CCDC159: variants seen among roughly 807,000 people sequenced by gnomAD.
CCDC159 encodes the protein coiled-coil domain-containing protein 159.
Under a neutral mutation model 50.9 loss-of-function variants are expected in CCDC159, and 40 were observed. The ratio of observed to expected loss-of-function variants is 0.79; its 90% CI spans 0.61 to 1.02. The LOEUF (loss-of-function observed/expected upper bound fraction) is 1.02. Ranked by LOEUF, CCDC159 falls within the 50% of genes least tolerant of loss-of-function variation. The pLI, the probability that CCDC159 is intolerant of heterozygous loss-of-function variation, is 0.00. For synonymous variants in CCDC159, 146 were observed against 138.9 expected, an observed-to-expected ratio of 1.05 and a Z score of -0.36; for missense variants, 356 against 371.5, an observed-to-expected ratio of 0.96 and a Z score of 0.34.
At chr19:11,348,361 T>C (rs964843044) in intron 1 of CCDC159, among the ~76,000 whole-genome samples, 6 of 152,186 alleles carry the variant, frequency 3.9e-5, no homozygotes, top group Admixed American at 6.5e-5. Context: ...CAATCTCGGC[T>C]CACTGCCACC....
At chr19:11,346,708 C>G in intron 1 of CCDC159, 81 bp downstream of exon 1, 1 of 1,460,388 alleles carries the variant, frequency 6.8e-7, no homozygotes, top group Non-Finnish European at 9.3e-7. Context: ...ATGACCCCGC[C>G]CCCTCCCTAA....
chr19:11,350,004 G>A lies in CCDC159; in HGVS notation c.122G>A (p.Ser41Asn). Residue 41 changes from serine (S) to asparagine (N), a missense_variant, in exon 3 of 11, where the codon AGC becomes AAC. Ser to Asn is a conservative substitution (Grantham distance 46, BLOSUM62 1). Coordinates refer to ENST00000458408, the MANE Select transcript of CCDC159 (RefSeq NM_001080503.3). ...CGATGTGAACTTGAGTCACTCAAGA[G>A]CCAGTTACAGGCCCAGACCAAGGTG... Reference protein sequence around the residue: ...LLRCELESLKSQLQAQTKAFE... With the variant: ...LLRCELESLKNQLQAQTKAFE... 2 of 1,613,806 alleles carry A rather than the reference G, an allele frequency of 1.2e-6. No individual in the cohort carries two copies. The highest frequency in any genetic ancestry group is 3.3e-5 in the Admixed American group (2 of 59,990).
intron 7 of CCDC159, 188 bp from the exon 8 acceptor site, chr19:11,353,256 ACGCCCGG>A (rs1253656815): frequency 2.0e-5 from 8 of 407,052 alleles, no homozygotes; most frequent in South Asian, 1.6e-4. Flanking sequence ...GCCCGCCACC[ACGCCCGG>A]CTAACTTTTT....
At position 11,352,249 on chromosome 19, in the gene CCDC159, T is replaced by A. The variant is rs1270061103; in HGVS notation, c.567+116T>A. The A allele has an allele frequency of 5.9e-6, 6 of 1,012,782 alleles. No homozygotes were observed. In the South Asian group the frequency reaches 8.3e-5, roughly 14 times the overall value. 62.7% of individuals were successfully genotyped at this position (1,012,782 alleles called of 1,614,324 possible). On this transcript the variant is annotated intron_variant, in intron 7 of 10. Coordinates refer to ENST00000458408, the MANE Select transcript of CCDC159 (RefSeq NM_001080503.3). ...TTCAAATCTCAGCTCTGCCACTCAC[T>A]GCTGTGTGACTGTGGGCAAGTCACT...
chr19:11,346,901 C>A (rs36106958), intron 1 of CCDC159, among the ~76,000 whole-genome samples: 1 of 152,102 alleles, frequency 6.6e-6, no homozygotes, highest in Non-Finnish European at 1.5e-5. Context: ...CACAGCTCCC[C>A]ATTACTCTAT....
At chr19:11,346,700 G>T in intron 1 of CCDC159, 73 bp downstream of exon 1, 1 of 1,488,490 alleles carries the variant, frequency 6.7e-7, no homozygotes, top group South Asian at 1.2e-5. Context: ...CCAGGATGAT[G>T]ACCCCGCCCC....
At chr19:11,349,847 C>A in intron 2 of CCDC159, 91 bp from the exon 3 acceptor site, 1 of 1,316,174 alleles carries the variant, frequency 7.6e-7, no homozygotes, top group African/African-American at 1.4e-5. Context: ...CCTGTCCCTA[C>A]TGCTACTCTG....
chr19:11,348,014 C>T (rs967388095), intron 1 of CCDC159: 1 of 415,302 alleles, frequency 2.4e-6, no homozygotes. Context: ...CTGGCTTGGC[C>T]GTCAATGCCT....
At position 11,351,992 on chromosome 19, in the gene CCDC159, C is replaced by T. The variant is rs748286538; in HGVS notation, c.490+19C>T. On this transcript the variant is annotated intron_variant, in intron 6 of 10. Coordinates refer to ENST00000458408, the MANE Select transcript of CCDC159 (RefSeq NM_001080503.3). ...AAGCTCCGTGAGTTCCTGGAGCCCA[C>T]AGCCGGTGTGTGGGGAGGGGGTCCT... 2.5e-6 allele frequency: 4 copies of T among 1,611,266 alleles called. No homozygotes were observed. The highest frequency in any genetic ancestry group is 3.4e-6 in the Non-Finnish European group (4 of 1,178,664).
intron 8 of CCDC159, 85 bp from the exon 9 acceptor site, chr19:11,353,707 C>A: frequency 1.3e-6 from 2 of 1,535,260 alleles, no homozygotes; most frequent in South Asian, 1.2e-5. Flanking sequence ...CACCCCACCA[C>A]GGCCCCCAAC....
Position 11,353,840 on chromosome 19 carries a change from C to G in CCDC159, c.738C>G (p.Cys246Trp), listed in dbSNP as rs1967725655. 1 of 1,592,938 alleles carries G rather than the reference C, an allele frequency of 6.3e-7. No homozygotes were observed. Among genetic ancestry groups the G allele is most frequent in the African/African-American group, 1.3e-5 (1 of 74,472 alleles). Residue 246 changes from cysteine (C) to tryptophan (W), a missense_variant, in exon 9 of 11, where the codon TGC becomes TGG. By Grantham distance (215) the Cys-to-Trp change is radical. Coordinates refer to ENST00000458408, the MANE Select transcript of CCDC159 (RefSeq NM_001080503.3). ...ACTCCATAGACAGCCTCACTTTGTG[C>G]TCGGGGGCCTGTCCCAAGGCCTCGA... ...LQNSIDSLTLCSGACPKASSL... is the reference protein window; with the variant it reads ...LQNSIDSLTLWSGACPKASSL...
Position 11,350,820 on chromosome 19 carries a change from C to A in CCDC159, c.239C>A (p.Pro80His). The A allele has an allele frequency of 6.5e-7, 1 of 1,548,544 alleles. No individual in the cohort carries two copies. ...ACACTCTCTGCAGAGGTGCTGAGCC[C>A]CACAGGCCGCCAGGGAGAGAAGGAG... is the stretch of plus-strand genomic sequence containing the variant. The part of the protein sequence containing the change: ...KIQQLEEVLS[P>H]TGRQGEKEEH... Residue 80 changes from proline to histidine, a missense_variant, in exon 5 of 11, where the codon CCC (proline) becomes CAC (histidine). By Grantham distance (77) the Pro-to-His change is moderately conservative (BLOSUM62 -2). Coordinates refer to ENST00000458408, the MANE Select transcript of CCDC159 (RefSeq NM_001080503.3).
At chr19:11,350,299 A>T in intron 4 of CCDC159, 100 bp downstream of exon 4, 1 of 848,650 alleles carries the variant, frequency 1.2e-6, no homozygotes, top group Admixed American at 2.3e-5. Flanking sequence ...GGATCACTTG[A>T]GGTCAGGAGT....
chr19:11,353,087 CATTATT>C (rs1195130414), intron 7 of CCDC159, among the ~76,000 whole-genome samples: 2 of 151,966 alleles, frequency 1.3e-5, no homozygotes, highest in African/African-American at 4.8e-5. Context: ...TTACTATTAT[CATTATT>C]ATTATTTATT....
At position 11,348,413 on chromosome 19, in the gene CCDC159, C is replaced by T. The variant is rs75591872; in HGVS notation, c.22-1241C>T. ...AAGTGATTCTCCTGCCTCAGCCTCC[C>T]GAGTAGCTGGGATTACAGGCGCCCA... On this transcript the variant is annotated intron_variant, in intron 1 of 10. Transcript: ENST00000458408. 6.1e-4 allele frequency among the ~76,000 whole-genome samples: 93 copies of T among 152,238 alleles called. 3 individuals are homozygous for T. The East Asian group carries it at 0.017, about 28-fold the overall frequency.
intron 7 of CCDC159, 37 bp downstream of exon 7, chr19:11,352,170 G>A (rs1445474650): frequency 6.2e-7 from 1 of 1,601,350 alleles, no homozygotes; most frequent in South Asian, 1.1e-5. Flanking sequence ...GGAGGAGTGG[G>A]AGAGGGAGGG....
At chr19:11,353,318 T>A in intron 7 of CCDC159, 133 bp from the exon 8 acceptor site, 1 of 882,952 alleles carries the variant, frequency 1.1e-6, no homozygotes, top group Non-Finnish European at 1.7e-6. Flanking sequence ...GCCAGGATGG[T>A]CTCAATCTCC....
intron 9 of CCDC159, 100 bp from the exon 10 acceptor site, chr19:11,354,480 T>G: frequency 9.2e-7 from 1 of 1,087,536 alleles, no homozygotes; most frequent in Non-Finnish European, 1.3e-6. Context: ...GAATTGGGGG[T>G]CATGGTTTAA....
At position 11,354,720 on chromosome 19, in the gene CCDC159, C is replaced by A. The variant is rs368424619; in HGVS notation, c.889+24C>A. The A allele has an allele frequency of 1.5e-4, 243 of 1,606,318 alleles. 2 individuals are homozygous for A. Among genetic ancestry groups the A allele is most frequent in the Non-Finnish European group, 5.4e-5 (63 of 1,176,100 alleles). ...CGGTGCAGATCCTCCCCAGTCCCCC[C>A]CTCCACCCATTTCCCTCCTGACCTG... On this transcript the variant is annotated intron_variant, in intron 10 of 10. Transcript: ENST00000458408.
Sources: gnomAD v4.1 joint callset for allele counts (sites outside exome capture counted in the v4.1 genomes callset) on GRCh38, gnomAD v4.1.1 for gene constraint, MANE v1.5 for transcripts, NCBI Gene and HGNC (gene_info 2026-07-23, HGNC 2026-07-21) for gene names.